Variants in RPRD2 observed in about 807,000 individuals in gnomAD.
RPRD2 encodes the protein regulation of nuclear pre-mRNA domain containing 2.
Under a neutral mutation model 104.4 loss-of-function variants are expected in RPRD2, and 12 were observed. The observed-to-expected ratio is 0.11, with a 90% CI of 0.07 to 0.19. The LOEUF is 0.19. Ranked by LOEUF, RPRD2 falls within the 10% of genes least tolerant of loss-of-function variation. The probability of loss-of-function intolerance (pLI) is 1.00; values close to 1 mark genes in which losing one functional copy is unlikely to be tolerated. For synonymous variants in RPRD2, 714 were observed against 684.9 expected (o/e 1.04, Z -0.66); for missense variants, 1,543 against 1,790.1 (o/e 0.86, Z 2.49).
intron 1 of RPRD2, among the ~76,000 whole-genome samples, chr1:150,397,944 G>T (rs587602214): frequency 6.6e-6 from 1 of 151,294 alleles, no homozygotes; most frequent in African/African-American, 2.4e-5. Context: ...GTAGAGATGG[G>T]CCTTGAGCAA....
chr1:150,402,389 G>C (rs369615119), intron 1 of RPRD2, among the ~76,000 whole-genome samples: 13 of 152,128 alleles, frequency 8.5e-5, no homozygotes, highest in African/African-American at 3.1e-4. Flanking sequence ...TAAAAATGTA[G>C]AGAACAAGCC....
At chr1:150,393,370 A>T (rs1413760056) in intron 1 of RPRD2, among the ~76,000 whole-genome samples, 1 of 146,032 alleles carries the variant, frequency 6.8e-6, no homozygotes, top group Non-Finnish European at 1.5e-5. Context: ...AGGTGGATGG[A>T]TCGATTGAGT....
intron 1 of RPRD2, among the ~76,000 whole-genome samples, chr1:150,374,143 A>G (rs1490094536): frequency 6.6e-6 from 1 of 152,130 alleles, no homozygotes; most frequent in East Asian, 1.9e-4. Context: ...TGGGGAAGGG[A>G]GAAGAGCTGA....
intron 1 of RPRD2, among the ~76,000 whole-genome samples, chr1:150,387,622 A>C (rs71622697): frequency 0.17 from 14,272 of 84,916 alleles, 1,246 homozygotes; most frequent in African/African-American, 0.29. Flanking sequence ...ACGGAGTTTC[A>C]CTCTTGTCAC....
chr1:150,374,022 T>G (rs1560145547), intron 1 of RPRD2, among the ~76,000 whole-genome samples: 2 of 152,288 alleles, frequency 1.3e-5, no homozygotes, highest in East Asian at 3.9e-4. Context: ...TGTATGCTAA[T>G]GAGTTGACTG....
intron 1 of RPRD2, among the ~76,000 whole-genome samples, chr1:150,374,935 G>A (rs377367057): frequency 6.6e-6 from 1 of 151,042 alleles, no homozygotes; most frequent in East Asian, 1.9e-4. Flanking sequence ...TGGCATTTCT[G>A]TATTCATTGA....
At chr1:150,405,578 C>T (rs782742275) in intron 1 of RPRD2, among the ~76,000 whole-genome samples, 8 of 152,088 alleles carry the variant, frequency 5.3e-5, no homozygotes, top group Non-Finnish European at 7.4e-5. Flanking sequence ...CCTGGTTTCT[C>T]TCTCTCTCAT....
chr1:150,397,364 A>G (rs1022549744), intron 1 of RPRD2, among the ~76,000 whole-genome samples: 2 of 152,140 alleles, frequency 1.3e-5, no homozygotes, highest in African/African-American at 4.8e-5. Context: ...ACATACACCA[A>G]AGTTTACCCT....
chr1:150,395,159 A>G (rs1662401805), intron 1 of RPRD2, among the ~76,000 whole-genome samples: 1 of 151,278 alleles, frequency 6.6e-6, no homozygotes, highest in African/African-American at 2.4e-5. Flanking sequence ...CCCCCTTCCC[A>G]CTCTTTCCTC....
At chr1:150,412,202 A>C (rs1033323188) in intron 1 of RPRD2, among the ~76,000 whole-genome samples, 1 of 152,224 alleles carries the variant, frequency 6.6e-6, no homozygotes, top group African/African-American at 2.4e-5. Flanking sequence ...ACAGACAAGT[A>C]CACTACAATG....
chr1:150,375,582 G>T (rs1572346452), intron 1 of RPRD2, among the ~76,000 whole-genome samples: 1 of 152,174 alleles, frequency 6.6e-6, no homozygotes, highest in East Asian at 1.9e-4. Context: ...AGCTTCCTTG[G>T]GTTGAATGAT....
intron 2 of RPRD2, among the ~76,000 whole-genome samples, chr1:150,423,856 G>A (rs782159006): frequency 1.3e-5 from 2 of 151,092 alleles, no homozygotes; most frequent in Non-Finnish European, 2.9e-5. Context: ...GCAGTAGCGC[G>A]ATCTCAGCTC....
intron 1 of RPRD2, among the ~76,000 whole-genome samples, chr1:150,413,471 C>T (rs1371461041): frequency 6.6e-6 from 1 of 152,062 alleles, no homozygotes; most frequent in East Asian, 1.9e-4. Flanking sequence ...GGTGCGGTGG[C>T]GCATGCCTGT....
rs201950501 is a variant in RPRD2 at position 150,398,047 on chromosome 1, G to A, written c.206-19549G>A. On this transcript the variant is annotated intron_variant, in intron 1 of 10. Coordinates refer to ENST00000369068, the MANE Select transcript of RPRD2 (RefSeq NM_015203.5). Reference sequence around the variant, plus strand: ...GTGTTGCCCAGGCTGGAGTGCAGTGGCATGATCTTGTCTCACAGCAACCTC... The same window carrying A: ...GTGTTGCCCAGGCTGGAGTGCAGTGACATGATCTTGTCTCACAGCAACCTC... Among the ~76,000 whole-genome samples the A allele has an allele frequency of 4.8e-4, 73 of 152,066 alleles. No homozygotes were observed. In the East Asian group the frequency reaches 0.01, roughly 22 times the overall value.
At chr1:150,458,950 T>C (rs1667733575) in intron 8 of RPRD2, among the ~76,000 whole-genome samples, 1 of 152,180 alleles carries the variant, frequency 6.6e-6, no homozygotes, top group Admixed American at 6.6e-5. Flanking sequence ...GCCCTGATTC[T>C]TTTTTTGTTA....
At chr1:150,457,188 C>T (rs1667592332) in intron 7 of RPRD2, 100 bp from the exon 8 acceptor site, 1 of 1,149,070 alleles carries the variant, frequency 8.7e-7, no homozygotes, top group Non-Finnish European at 1.2e-6. Flanking sequence ...TGTGCCACTA[C>T]ACTCTAGCCT....
intron 2 of RPRD2, among the ~76,000 whole-genome samples, chr1:150,420,925 C>A (rs1483305697): frequency 2.0e-5 from 3 of 152,198 alleles, no homozygotes; most frequent in African/African-American, 7.2e-5. Flanking sequence ...ATCAGGGGGG[C>A]AACCCTTTTC....
chr1:150,370,390 A>G (rs950773633), intron 1 of RPRD2, among the ~76,000 whole-genome samples: 7 of 152,112 alleles, frequency 4.6e-5, no homozygotes, highest in East Asian at 1.9e-4. Context: ...AAGTTCTACA[A>G]TCTACAAGTA....
At chr1:150,399,210 C>T (rs1345087725) in intron 1 of RPRD2, among the ~76,000 whole-genome samples, 4 of 151,766 alleles carry the variant, frequency 2.6e-5, no homozygotes, top group African/African-American at 9.7e-5. Flanking sequence ...TCCTATGTTG[C>T]CTAGGCTGGT....
Sources: allele counts gnomAD v4.1 joint callset (sites outside exome capture counted in the v4.1 genomes callset), GRCh38; gene constraint gnomAD v4.1.1; transcripts MANE v1.5; gene names NCBI Gene and HGNC (gene_info 2026-07-23, HGNC 2026-07-21).